NBEA: variants seen among roughly 807,000 people sequenced by gnomAD.
NBEA encodes the protein lysosomal-trafficking regulator 2.
A neutral mutation model predicts 343.4 loss-of-function variants in NBEA; 44 were observed. That is an observed-to-expected ratio of 0.13 (90% CI 0.10 to 0.16). The LOEUF is 0.16. NBEA is among the 10% of genes least tolerant of loss of function. The pLI, the probability that NBEA is intolerant of heterozygous loss-of-function variation, is 1.00. For missense variants in NBEA, 2,555 were observed against 3,631.3 expected (o/e 0.70, Z 7.62); for synonymous variants, 1,175 against 1,238.7 (o/e 0.95, Z 1.08).
intron 43 of NBEA, among the ~76,000 whole-genome samples, chr13:35,552,328 T>C (rs1367822954): frequency 2.6e-5 from 4 of 152,222 alleles, no homozygotes; most frequent in African/African-American, 9.6e-5. Flanking sequence ...GTATTGCAAC[T>C]TATCTATTCT....
chr13:35,271,090 C>T (rs2034110001), intron 34 of NBEA, among the ~76,000 whole-genome samples: 1 of 152,208 alleles, frequency 6.6e-6, no homozygotes, highest in African/African-American at 2.4e-5. Flanking sequence ...GGAGGCATCT[C>T]CCAGTAGGGG....
Position 35,020,401 on chromosome 13 carries a change from A to G in NBEA, c.295-20532A>G, listed in dbSNP as rs1289379186. Among the ~76,000 whole-genome samples, 6 of 152,124 alleles carry G rather than the reference A, an allele frequency of 3.9e-5. No homozygotes were observed. In the East Asian group the frequency reaches 1.2e-3, roughly 29 times the overall value. Reference sequence around the variant, plus strand: ...ATTGAGATTTCTTTTGCAATCTCAGATACTCTTAGCTTGATGACTGTTTCT... The same window carrying G: ...ATTGAGATTTCTTTTGCAATCTCAGGTACTCTTAGCTTGATGACTGTTTCT... On this transcript the variant is annotated intron_variant, in intron 1 of 58. Transcript: ENST00000379939.
At chr13:35,136,054 T>A (rs995927588) in intron 17 of NBEA, among the ~76,000 whole-genome samples, 2 of 152,052 alleles carry the variant, frequency 1.3e-5, no homozygotes, top group Non-Finnish European at 2.9e-5. Flanking sequence ...AAACATTATA[T>A]AGTAAAGTAG....
At chr13:35,376,956 A>G (rs767821456) in intron 38 of NBEA, among the ~76,000 whole-genome samples, 7 of 152,166 alleles carry the variant, frequency 4.6e-5, no homozygotes, top group Middle Eastern at 3.2e-3. Context: ...ACCTCCTTCC[A>G]TACTGGTAAA....
chr13:35,615,309 TAGC>T (rs1199556226), intron 48 of NBEA, among the ~76,000 whole-genome samples: 7 of 145,378 alleles, frequency 4.8e-5, no homozygotes, highest in Non-Finnish European at 1.1e-4. Context: ...AAAAAAAAAT[TAGC>T]TGAGGAGTTA....
intron 49 of NBEA, among the ~76,000 whole-genome samples, chr13:35,634,877 T>G (rs1437685381): frequency 6.6e-6 from 1 of 152,182 alleles, no homozygotes; most frequent in South Asian, 2.1e-4. Flanking sequence ...TCGGCTATGG[T>G]GAAAATATGC....
At chr13:35,477,732 C>T (rs769009265) in intron 41 of NBEA, among the ~76,000 whole-genome samples, 4 of 151,990 alleles carry the variant, frequency 2.6e-5, no homozygotes, top group Admixed American at 6.6e-5. Context: ...TATACTATTT[C>T]GTGTGATTTA....
chr13:35,626,030 A>T (rs1245561071), intron 48 of NBEA, among the ~76,000 whole-genome samples: 1 of 152,110 alleles, frequency 6.6e-6, no homozygotes, highest in Non-Finnish European at 1.5e-5. Context: ...TGTCATGGGG[A>T]TTAGAGGTAG....
chr13:35,367,064 A>C (rs112442391), intron 38 of NBEA, among the ~76,000 whole-genome samples: 22 of 151,512 alleles, frequency 1.5e-4, no homozygotes, highest in African/African-American at 4.8e-4. Flanking sequence ...ATAATGATAC[A>C]TTCTAAATAC....
chr13:34,968,249 C>T (rs1348244933), intron 1 of NBEA, among the ~76,000 whole-genome samples: 1 of 152,098 alleles, frequency 6.6e-6, no homozygotes, highest in African/African-American at 2.4e-5. Flanking sequence ...CATCCTGGAC[C>T]TCGTTGTTTG....
chr13:35,220,006 C>T (rs2074274603), intron 33 of NBEA, among the ~76,000 whole-genome samples: 2 of 152,076 alleles, frequency 1.3e-5, no homozygotes, highest in African/African-American at 2.4e-5. Context: ...AAATTAACCA[C>T]GATGCTAGAT....
At chr13:35,336,823 C>T (rs1416767602) in intron 36 of NBEA, among the ~76,000 whole-genome samples, 1 of 151,946 alleles carries the variant, frequency 6.6e-6, no homozygotes, top group Non-Finnish European at 1.5e-5. Context: ...ACAATGAAAA[C>T]ACATGATACT....
At chr13:35,461,553 G>T (rs2046905182) in intron 40 of NBEA, among the ~76,000 whole-genome samples, 1 of 152,134 alleles carries the variant, frequency 6.6e-6, no homozygotes, top group Non-Finnish European at 1.5e-5. Context: ...AAATATGTGG[G>T]TCATCTTGTT....
At chr13:35,448,734 A>C (rs1334518150) in intron 39 of NBEA, among the ~76,000 whole-genome samples, 1 of 152,158 alleles carries the variant, frequency 6.6e-6, no homozygotes, top group African/African-American at 2.4e-5. Flanking sequence ...AGAGTACACA[A>C]GTGCTCTTAA....
intron 38 of NBEA, among the ~76,000 whole-genome samples, chr13:35,366,804 C>T (rs2041145778): frequency 6.6e-6 from 1 of 151,146 alleles, no homozygotes; most frequent in Non-Finnish European, 1.5e-5. Context: ...ACACTCAGTC[C>T]TCACTATACT....
intron 56 of NBEA, 148 bp from the exon 57 acceptor site, chr13:35,667,226 A>C: frequency 1.6e-6 from 1 of 631,184 alleles, no homozygotes; most frequent in Non-Finnish European, 2.8e-6. Context: ...TAAATGTAGC[A>C]TCAGCGCTTG....
chr13:35,079,671 T>C (rs1593272631), intron 10 of NBEA, among the ~76,000 whole-genome samples: 1 of 152,166 alleles, frequency 6.6e-6, no homozygotes, highest in Admixed American at 6.6e-5. Context: ...ATGGTATCTT[T>C]TTACCTAAGA....
intron 55 of NBEA, among the ~76,000 whole-genome samples, 191 bp downstream of exon 55, chr13:35,655,940 A>G (rs1463729632): frequency 6.6e-6 from 1 of 152,160 alleles, no homozygotes; most frequent in African/African-American, 2.4e-5. Flanking sequence ...CACCTACAAC[A>G]TGGAGAGACT....
intron 46 of NBEA, among the ~76,000 whole-genome samples, chr13:35,590,234 A>G (rs570646193): frequency 6.6e-6 from 1 of 152,262 alleles, no homozygotes; most frequent in South Asian, 2.1e-4. Flanking sequence ...AGCAATCTCC[A>G]CAGTAATCAG....
Sources: gnomAD v4.1 joint callset for allele counts (sites outside exome capture counted in the v4.1 genomes callset) on GRCh38, gnomAD v4.1.1 for gene constraint, MANE v1.5 for transcripts, NCBI Gene and HGNC (gene_info 2026-07-23, HGNC 2026-07-21) for gene names.